Variants in NME8 observed in about 807,000 individuals in gnomAD.
NME8 encodes protein NME8.
Under a neutral mutation model 82.3 loss-of-function variants are expected in NME8, and 72 were observed. That is an observed-to-expected ratio of 0.87 (90% CI 0.72 to 1.06). NME8 has a LOEUF of 1.06. NME8 is among the 50% of genes least tolerant of loss of function. The pLI is 0.00. For missense variants in NME8, 712 were observed against 685.4 expected (o/e 1.04, Z -0.43); for synonymous variants, 267 against 228.5 (o/e 1.17, Z -1.52).
intron 5 of NME8, among the ~76,000 whole-genome samples, chr7:37,853,499 C>A (rs906252713): frequency 3.3e-5 from 5 of 152,144 alleles, no homozygotes; most frequent in African/African-American, 1.2e-4. Context: ...TACAGTATCA[C>A]AAGTGTCTAA....
In NME8 at chr7:37,867,724, C is replaced by G. The variant is rs779582375; in HGVS notation, c.644C>G (p.Ser215Cys). The change falls in exon 11 of 18, where the codon TCT becomes TGT. Residue 215 changes from serine to cysteine, a missense_variant. Physicochemically the swap from Ser to Cys is moderately radical, Grantham distance 112 (BLOSUM62 -1). Transcript: ENST00000199447. ...TAGTGTGACTTCGAAGAGTTTGTCTCTTTTATGACAAGTGGCTTAAGCTAT... is the reference window on the plus strand; with the variant it reads ...TAGTGTGACTTCGAAGAGTTTGTCTGTTTTATGACAAGTGGCTTAAGCTAT... ...ADQCDFEEFV[S>C]FMTSGLSYIL... is the part of the protein sequence containing the mutation. 3.1e-6 allele frequency: 5 copies of G among 1,613,320 alleles called. No individual in the cohort carries two copies. In the Admixed American group the frequency reaches 8.3e-5, roughly 27 times the overall value.
intron 11 of NME8, among the ~76,000 whole-genome samples, chr7:37,876,239 T>A (rs1476840799): frequency 1.0e-5 from 1 of 96,942 alleles, no homozygotes; most frequent in South Asian, 2.9e-4. Context: ...TATAGATAGA[T>A]AGATAGATAG....
intron 7 of NME8, 112 bp downstream of exon 7, chr7:37,862,256 C>G (rs943964638): frequency 1.3e-6 from 1 of 744,114 alleles, no homozygotes; most frequent in East Asian, 2.7e-5. Flanking sequence ...TACTTTATGT[C>G]TTTTAATTTT....
At chr7:37,862,661 A>C (rs1784614530) in intron 7 of NME8, among the ~76,000 whole-genome samples, 1 of 152,002 alleles carries the variant, frequency 6.6e-6, no homozygotes, top group African/African-American at 2.4e-5. Context: ...TTTTTAGTTA[A>C]GGAAATATCG....
intron 10 of NME8, among the ~76,000 whole-genome samples, chr7:37,866,899 G>A (rs565782559): frequency 1.4e-4 from 22 of 152,258 alleles, no homozygotes; most frequent in Admixed American, 1.0e-3. Context: ...TCCTGGAGAG[G>A]TGGGACAACT....
chr7:37,884,591 A>G (rs1785012655), intron 13 of NME8, 144 bp downstream of exon 13: 2 of 672,632 alleles, frequency 3.0e-6, no homozygotes, highest in Non-Finnish European at 5.2e-6. Context: ...TCCTGCTCCC[A>G]TCCCAATCCT....
At position 37,888,212 on chromosome 7, in the gene NME8, T is replaced by C. The variant is rs1325368755; in HGVS notation, c.1248-65T>C. On this transcript the variant is annotated intron_variant, in intron 14 of 17. Transcript: ENST00000199447. The stretch of plus-strand genomic sequence containing the variant: ...TATTTGATAACTTTTGAACAACTTA[T>C]AGAAATTGTGTTATATTATTCTGTT... The C allele has an allele frequency of 4.0e-6, 6 of 1,508,584 alleles. No individual in the cohort carries two copies. The African/African-American group carries it at 8.2e-5, about 21-fold the overall frequency. 93.4% of individuals were successfully genotyped at this position (1,508,584 alleles called of 1,614,324 possible). A position where few individuals can be genotyped will look rare whatever the true frequency, so the allele number is the denominator to read the frequency against.
chr7:37,862,324 A>T (rs1784608535), intron 7 of NME8, among the ~76,000 whole-genome samples, 180 bp downstream of exon 7: 2 of 152,180 alleles, frequency 1.3e-5, no homozygotes, highest in Admixed American at 1.3e-4. Context: ...CTAATTTTGT[A>T]ACTATCCAGG....
At chr7:37,850,786 T>C (rs1306291687) in intron 5 of NME8, 51 bp downstream of exon 5, 2 of 1,154,102 alleles carry the variant, frequency 1.7e-6, no homozygotes, top group Non-Finnish European at 2.6e-6. Flanking sequence ...TATTAAGTTT[T>C]TAAGTATCCT....
chr7:37,869,378 G>A (rs374573276), intron 11 of NME8, among the ~76,000 whole-genome samples: 2 of 152,060 alleles, frequency 1.3e-5, no homozygotes, highest in Non-Finnish European at 2.9e-5. Flanking sequence ...AGTTTAAAAA[G>A]ATACCAGATT....
chr7:37,883,408 C>G (rs1784993967), intron 12 of NME8, among the ~76,000 whole-genome samples: 1 of 152,148 alleles, frequency 6.6e-6, no homozygotes, highest in South Asian at 2.1e-4. Flanking sequence ...AGTTCTGAAG[C>G]AAATTATTTC....
chr7:37,898,440 A>T (rs924036099), intron 17 of NME8, among the ~76,000 whole-genome samples: 1 of 152,220 alleles, frequency 6.6e-6, no homozygotes, highest in Admixed American at 6.5e-5. Context: ...TAGAAAAATG[A>T]TTCACAATAG....
chr7:37,881,313 G>C (rs1249215923), intron 12 of NME8, among the ~76,000 whole-genome samples: 4 of 152,098 alleles, frequency 2.6e-5, no homozygotes, highest in Non-Finnish European at 5.9e-5. Context: ...ATGTTCTCTA[G>C]TAAGTTGAGA....
intron 12 of NME8, among the ~76,000 whole-genome samples, chr7:37,877,842 T>A (rs1018891448): frequency 6.6e-6 from 1 of 152,208 alleles, no homozygotes; most frequent in African/African-American, 2.4e-5. Flanking sequence ...CAAAAATGTC[T>A]CTGGAGGTTG....
intron 15 of NME8, among the ~76,000 whole-genome samples, 173 bp downstream of exon 15, chr7:37,888,601 G>C (rs1785079358): frequency 6.6e-6 from 1 of 152,022 alleles, no homozygotes; most frequent in East Asian, 1.9e-4. Context: ...GTCATACTTT[G>C]TCTTGCTATC....
chr7:37,886,182 A>G (rs1785037326), intron 14 of NME8, among the ~76,000 whole-genome samples: 2 of 152,234 alleles, frequency 1.3e-5, no homozygotes, highest in Middle Eastern at 3.2e-3. Context: ...TAATAAGCAT[A>G]GAACCTCTGC....
intron 5 of NME8, among the ~76,000 whole-genome samples, chr7:37,855,708 T>C (rs1784501294): frequency 1.3e-5 from 2 of 152,218 alleles, no homozygotes; most frequent in Non-Finnish European, 2.9e-5. Context: ...TTTGCAGGCA[T>C]TAAATTCTCC....
Position 37,888,238 on chromosome 7 carries a change from C to T in NME8, c.1248-39C>T, listed in dbSNP as rs1266157940. On this transcript the variant is annotated intron_variant, in intron 14 of 17. Coordinates refer to ENST00000199447, the MANE Select transcript of NME8 (RefSeq NM_016616.5). Reference sequence around the variant, plus strand: ...AGAAATTGTGTTATATTATTCTGTTCTGTTCTAATAGCTTTTAAACCTGAC... The same window carrying T: ...AGAAATTGTGTTATATTATTCTGTTTTGTTCTAATAGCTTTTAAACCTGAC... 3 of 1,597,576 alleles carry T rather than the reference C, an allele frequency of 1.9e-6. No homozygotes were observed. In the Admixed American group the frequency reaches 5.0e-5, roughly 27 times the overall value.
At chr7:37,864,325 T>C (rs1159782432) in intron 8 of NME8, 23 bp from the exon 9 acceptor site, 5 of 1,587,310 alleles carry the variant, frequency 3.1e-6, no homozygotes, top group Non-Finnish European at 3.4e-6. Context: ...TGAAATTCTG[T>C]CTTTTTCTAA....
Sources: allele counts gnomAD v4.1 joint callset (sites outside exome capture counted in the v4.1 genomes callset), GRCh38; gene constraint gnomAD v4.1.1; transcripts MANE v1.5; gene names NCBI Gene and HGNC (gene_info 2026-07-23, HGNC 2026-07-21).